The following NXPE2 variants were observed in gnomAD, a reference collection of about 807,000 sequenced individuals.
The protein encoded by NXPE2 is NXPE family member 2.
Under a neutral mutation model 34.4 loss-of-function variants are expected in NXPE2, and 34 were observed. The observed-to-expected ratio is 0.99, with a 90% CI of 0.75 to 1.31. NXPE2 has a LOEUF of 1.31. NXPE2 is among the 40% of genes most tolerant of loss of function. The pLI is 0.00. For missense variants in NXPE2, 649 were observed against 672.5 expected (o/e 0.97, Z 0.39); for synonymous variants, 235 against 231.3 (o/e 1.02, Z -0.15).
chr11:114,631,848 A>G, the NXPE2 span, among the ~76,000 whole-genome samples: 4 of 151,326 alleles, frequency 2.6e-5, no homozygotes, highest in Admixed American at 2.6e-4. Context: ...CCGGTGGATA[A>G]TAAGTATTGT....
chr11:114,600,637 A>T, the NXPE2 span, among the ~76,000 whole-genome samples: 1 of 152,130 alleles, frequency 6.6e-6, no homozygotes, highest in Non-Finnish European at 1.5e-5. Flanking sequence ...AGGAGACATG[A>T]TGACTAAATG....
chr11:114,526,274 T>A, the NXPE2 span, among the ~76,000 whole-genome samples: 651 of 152,334 alleles, frequency 4.3e-3, 2 homozygotes, highest in Middle Eastern at 0.038. Context: ...CTACAGACTA[T>A]AAGATGATAT....
the NXPE2 span, among the ~76,000 whole-genome samples, chr11:114,466,379 G>A: frequency 2.0e-5 from 3 of 152,138 alleles, no homozygotes; most frequent in Admixed American, 2.0e-4. Flanking sequence ...CTATGATTTT[G>A]TGTTTATATG....
the NXPE2 span, among the ~76,000 whole-genome samples, chr11:114,805,568 C>G: frequency 6.6e-6 from 1 of 152,186 alleles, no homozygotes; most frequent in African/African-American, 2.4e-5. Context: ...GAGGGTCCTA[C>G]GCCCACGGCG....
At chr11:114,584,319 TA>T in the NXPE2 span, 1 of 501,584 alleles carries the variant, frequency 2.0e-6, no homozygotes, top group Non-Finnish European at 4.0e-6. Context: ...ACCAGAACAC[TA>T]ATGAGTACCT....
the NXPE2 span, among the ~76,000 whole-genome samples, chr11:114,772,172 C>A: frequency 2.6e-5 from 4 of 151,900 alleles, no homozygotes; most frequent in Admixed American, 2.0e-4. Flanking sequence ...CCAAAGATAG[C>A]GTGAACAGCT....
downstream of NXPE2, chr11:114,707,246 C>A (rs1237652039): frequency 9.5e-6 from 3 of 314,972 alleles, no homozygotes; most frequent in East Asian, 2.7e-4. Flanking sequence ...TGCCCACCAC[C>A]ATGCCAAGCT....
chr11:114,670,722 AAAC>A, the NXPE2 span, among the ~76,000 whole-genome samples: 3 of 152,026 alleles, frequency 2.0e-5, no homozygotes, highest in East Asian at 1.9e-4. Context: ...TAAAACAAGC[AAAC>A]AACAACAACA....
At chr11:114,502,951 A>G in the NXPE2 span, among the ~76,000 whole-genome samples, 1 of 152,240 alleles carries the variant, frequency 6.6e-6, no homozygotes, top group Non-Finnish European at 1.5e-5. Flanking sequence ...GTGGAAAAGC[A>G]GTGAATACTG....
the NXPE2 span, among the ~76,000 whole-genome samples, chr11:114,543,076 C>A: frequency 6.6e-6 from 1 of 151,912 alleles, no homozygotes; most frequent in Non-Finnish European, 1.5e-5. Flanking sequence ...GCAAATATGG[C>A]AAGACTGTCT....
At chr11:114,534,392 AG>A in the NXPE2 span, among the ~76,000 whole-genome samples, 4 of 152,356 alleles carry the variant, frequency 2.6e-5, no homozygotes, top group African/African-American at 9.6e-5. Flanking sequence ...TCTCCTCCAA[AG>A]GAACGCAGCT....
At chr11:114,623,732 TG>T in the NXPE2 span, among the ~76,000 whole-genome samples, 1 of 152,090 alleles carries the variant, frequency 6.6e-6, no homozygotes, top group African/African-American at 2.4e-5. Context: ...TATTGCCTCA[TG>T]GGTAACCACT....
At chr11:114,650,928 A>C in the NXPE2 span, among the ~76,000 whole-genome samples, 1 of 152,172 alleles carries the variant, frequency 6.6e-6, no homozygotes, top group Non-Finnish European at 1.5e-5. Context: ...ATACTGGCTA[A>C]CAGAGATGGC....
the NXPE2 span, among the ~76,000 whole-genome samples, chr11:114,574,623 A>G: frequency 9.2e-5 from 14 of 152,284 alleles, no homozygotes; most frequent in Non-Finnish European, 2.9e-5. Context: ...CTGGAAATAT[A>G]CAACCCTCCT....
intron 1 of NXPE2, among the ~76,000 whole-genome samples, chr11:114,679,408 A>G (rs1001692361): frequency 2.0e-5 from 3 of 152,034 alleles, no homozygotes; most frequent in Admixed American, 2.0e-4. Flanking sequence ...AGGTTCCAGT[A>G]TGTGATATGA....
the NXPE2 span, among the ~76,000 whole-genome samples, chr11:114,640,077 T>G: frequency 8.7e-6 from 1 of 114,926 alleles, no homozygotes; most frequent in Non-Finnish European, 1.6e-5. Context: ...ATATAATATA[T>G]AATATAATGT....
At chr11:114,605,852 C>G in the NXPE2 span, among the ~76,000 whole-genome samples, 1 of 151,862 alleles carries the variant, frequency 6.6e-6, no homozygotes, top group Non-Finnish European at 1.5e-5. Flanking sequence ...TGGGTAACCA[C>G]TGTTACCTGG....
At chr11:114,669,169 T>C in the NXPE2 span, among the ~76,000 whole-genome samples, 3 of 152,056 alleles carry the variant, frequency 2.0e-5, no homozygotes, top group Non-Finnish European at 4.4e-5. Flanking sequence ...AGTGGAACAA[T>C]CATAATTGAT....
chr11:114,632,443 A>G, the NXPE2 span, among the ~76,000 whole-genome samples: 3 of 130,698 alleles, frequency 2.3e-5, no homozygotes, highest in African/African-American at 8.4e-5. Context: ...TATATAATAT[A>G]TAATTTATAA....
Sources: allele counts gnomAD v4.1 joint callset (sites outside exome capture counted in the v4.1 genomes callset), GRCh38; gene constraint gnomAD v4.1.1; transcripts MANE v1.5; gene names NCBI Gene and HGNC (gene_info 2026-07-23, HGNC 2026-07-21).